Variants in LURAP1L observed in about 807,000 individuals in gnomAD.
LURAP1L encodes the protein leucine rich adaptor protein 1-like.
A neutral mutation model predicts 13.8 loss-of-function variants in LURAP1L; 12 were observed. The observed-to-expected ratio is 0.87, with a 90% CI of 0.56 to 1.41. The LOEUF is 1.41. LURAP1L is among the 40% of genes most tolerant of loss of function. The probability of loss-of-function intolerance (pLI) is 0.00; values close to 1 mark genes in which losing one functional copy is unlikely to be tolerated. For synonymous variants in LURAP1L, 139 were observed against 119.2 expected, an observed-to-expected ratio of 1.17 and a Z score of -1.08; for missense variants, 375 against 292.9, an observed-to-expected ratio of 1.28 and a Z score of -2.04.
intron 1 of LURAP1L, among the ~76,000 whole-genome samples, chr9:12,815,905 T>C (rs1318557687): frequency 6.6e-6 from 1 of 152,234 alleles, no homozygotes; most frequent in Non-Finnish European, 1.5e-5. Context: ...AAAATTATTA[T>C]GACAAAATTT....
chr9:12,796,696 T>C (rs1264560749), intron 1 of LURAP1L, among the ~76,000 whole-genome samples: 3 of 152,014 alleles, frequency 2.0e-5, no homozygotes, highest in Non-Finnish European at 4.4e-5. Context: ...TAATAGTTTT[T>C]TTTAAAAAAG....
intron 1 of LURAP1L, among the ~76,000 whole-genome samples, chr9:12,786,032 A>G (rs896567371): frequency 2.0e-5 from 3 of 151,916 alleles, no homozygotes; most frequent in African/African-American, 7.3e-5. Flanking sequence ...TTTGGATATC[A>G]TTTTTCTTAT....
intron 1 of LURAP1L, among the ~76,000 whole-genome samples, chr9:12,789,318 C>T (rs1252607183): frequency 2.0e-5 from 3 of 152,106 alleles, no homozygotes; most frequent in Admixed American, 6.6e-5. Context: ...TGTTTTTGCT[C>T]TTCACGTTTG....
In LURAP1L at chr9:12,775,915, C is replaced by T. The variant is rs1292604025; in HGVS notation, c.200C>T (p.Pro67Leu). 6.4e-7 allele frequency: 1 copy of T among 1,569,132 alleles called. No homozygotes were observed. The stretch of plus-strand genomic sequence containing the variant: ...AGCAGCAGCTACTGCAGCTTCCCTC[C>T]CTCCTTGTCGTCCTCCTCTTCGTCC... The part of the protein sequence containing the change: ...SSSSSYCSFP[P>L]SLSSSSSSSP... The change falls in exon 1 of 2, where the codon CCC becomes CTC. Residue 67 changes from proline to leucine, a missense_variant. Physicochemically the swap from Pro to Leu is moderately conservative, Grantham distance 98. Coordinates refer to ENST00000319264, the MANE Select transcript of LURAP1L (RefSeq NM_203403.2).
chr9:12,785,331 G>A (rs1484267238), intron 1 of LURAP1L, among the ~76,000 whole-genome samples: 1 of 152,022 alleles, frequency 6.6e-6, no homozygotes, highest in Non-Finnish European at 1.5e-5. Context: ...GCTGGGGGAG[G>A]GGGTGACACA....
At chr9:12,793,263 T>C (rs1193951893) in intron 1 of LURAP1L, among the ~76,000 whole-genome samples, 1 of 152,082 alleles carries the variant, frequency 6.6e-6, no homozygotes, top group East Asian at 1.9e-4. Context: ...GGCAATCTTA[T>C]ACCACAGAGA....
chr9:12,790,650 G>C (rs951061007), intron 1 of LURAP1L: 8 of 151,998 alleles, frequency 5.3e-5, no homozygotes, highest in Admixed American at 4.6e-4. Context: ...AGAATTTCTC[G>C]TTGGTTGCAG....
At chr9:12,796,562 A>C (rs953789233) in intron 1 of LURAP1L, among the ~76,000 whole-genome samples, 3 of 151,918 alleles carry the variant, frequency 2.0e-5, no homozygotes, top group Non-Finnish European at 2.9e-5. Context: ...TTTTGTTGTG[A>C]TATGCTTTTC....
chr9:12,793,999 A>G (rs372022747), intron 1 of LURAP1L, among the ~76,000 whole-genome samples: 40 of 152,218 alleles, frequency 2.6e-4, no homozygotes, highest in African/African-American at 7.5e-4. Context: ...GCATTAATAA[A>G]CAAGCCTGTT....
chr9:12,821,446 A>G lies in LURAP1L; in HGVS notation c.373A>G (p.Ile125Val). 6.2e-7 allele frequency: 1 copy of G among 1,614,172 alleles called. No homozygotes were observed. The part of the protein sequence containing the change: ...MRQLLVINES[I>V]ESIKWMIEEK... ...CCAGTTGCTTGTAATCAATGAGAGC[A>G]TCGAGTCCATCAAGTGGATGATCGA... The change falls in exon 2 of 2, where the codon ATC (isoleucine) becomes GTC (valine). Residue 125 changes from isoleucine (I) to valine (V), a missense_variant. Transcript: ENST00000319264.
chr9:12,782,168 G>A (rs1403195975), intron 1 of LURAP1L, among the ~76,000 whole-genome samples: 1 of 152,180 alleles, frequency 6.6e-6, no homozygotes, highest in African/African-American at 2.4e-5. Context: ...TTCCTTGTCA[G>A]ATGGGTAGTT....
At chr9:12,799,293 T>C (rs192129686) in intron 1 of LURAP1L, among the ~76,000 whole-genome samples, 3 of 152,306 alleles carry the variant, frequency 2.0e-5, no homozygotes, top group East Asian at 1.9e-4. Context: ...GTCTTTAGGG[T>C]ATATTTTCAC....
At chr9:12,786,581 T>TATATATATATATATATATAA (rs61134838) in intron 1 of LURAP1L, among the ~76,000 whole-genome samples, 1 of 121,438 alleles carries the variant, frequency 8.2e-6, no homozygotes, top group Non-Finnish European at 1.8e-5. Flanking sequence ...TATATATATA[T>TATATATATATATATATATAA]AAACCCTTGT....
chr9:12,794,893 G>T (rs930501103), intron 1 of LURAP1L, among the ~76,000 whole-genome samples: 2 of 151,850 alleles, frequency 1.3e-5, no homozygotes, highest in East Asian at 1.9e-4. Flanking sequence ...TACAGATGAT[G>T]TGGAAGATAT....
chr9:12,794,025 A>G (rs1303922896), intron 1 of LURAP1L, among the ~76,000 whole-genome samples: 1 of 152,084 alleles, frequency 6.6e-6, no homozygotes, highest in Non-Finnish European at 1.5e-5. Flanking sequence ...GATTATTGTT[A>G]GAGTCAAAAC....
At chr9:12,791,123 G>T (rs1044969360) in intron 1 of LURAP1L, among the ~76,000 whole-genome samples, 1 of 152,100 alleles carries the variant, frequency 6.6e-6, no homozygotes, top group African/African-American at 2.4e-5. Context: ...AGCTTATAGT[G>T]AGCATCGTAT....
At chr9:12,778,333 T>C (rs1382328101) in intron 1 of LURAP1L, among the ~76,000 whole-genome samples, 1 of 152,188 alleles carries the variant, frequency 6.6e-6, no homozygotes, top group East Asian at 1.9e-4. Flanking sequence ...TTTCACTCAC[T>C]AGTGTGTGGC....
In LURAP1L at chr9:12,775,948, C is replaced by G; in HGVS notation, c.233C>G (p.Thr78Ser). 6.3e-7 allele frequency: 1 copy of G among 1,588,540 alleles called. No homozygotes were observed. Among genetic ancestry groups the G allele is most frequent in the Non-Finnish European group, 8.6e-7 (1 of 1,167,468 alleles). ...SLSSSSSSSP[T>S]SGSPRGSHSS... is the part of the protein sequence containing the mutation. The stretch of plus-strand genomic sequence containing the variant: ...TCGTCCTCCTCTTCGTCCTCCCCAA[C>G]CTCTGGCTCCCCACGAGGTAGCCAC... Residue 78 changes from threonine to serine, a missense_variant, in exon 1 of 2, where the codon ACC (threonine) becomes AGC (serine). Transcript: ENST00000319264.
chr9:12,797,903 CTTT>C (rs1222631826), intron 1 of LURAP1L, among the ~76,000 whole-genome samples: 1 of 151,890 alleles, frequency 6.6e-6, no homozygotes, highest in Non-Finnish European at 1.5e-5. Context: ...TGTTTGTTTT[CTTT>C]TTTATCTTCT....
Sources: gnomAD v4.1 joint callset for allele counts (sites outside exome capture counted in the v4.1 genomes callset) on GRCh38, gnomAD v4.1.1 for gene constraint, MANE v1.5 for transcripts, NCBI Gene and HGNC (gene_info 2026-07-23, HGNC 2026-07-21) for gene names.